The following RGL1 variants were observed in gnomAD, a reference collection of about 807,000 sequenced individuals.
The protein encoded by RGL1 is ral guanine nucleotide dissociation stimulator-like 1.
A neutral mutation model predicts 95.2 loss-of-function variants in RGL1; 24 were observed. The ratio of observed to expected loss-of-function variants is 0.25; its 90% CI spans 0.18 to 0.35. The LOEUF (loss-of-function observed/expected upper bound fraction) is 0.35, where lower values mean the gene tolerates loss of function less well. Ranked by LOEUF, RGL1 falls within the 10% of genes least tolerant of loss-of-function variation. The pLI is 1.00. For synonymous variants in RGL1, 329 were observed against 344.9 expected (o/e 0.95, Z 0.51); for missense variants, 715 against 936.3 (o/e 0.76, Z 3.08).
chr1:183,757,005 G>C (rs1324690349), intron 2 of RGL1, among the ~76,000 whole-genome samples: 2 of 138,460 alleles, frequency 1.4e-5, no homozygotes, highest in African/African-American at 5.5e-5. Context: ...ATAACACTTA[G>C]TTGGGTGGTT....
intron 1 of RGL1, among the ~76,000 whole-genome samples, chr1:183,688,736 T>A (rs1653768948): frequency 6.6e-6 from 1 of 152,128 alleles, no homozygotes; most frequent in Admixed American, 6.5e-5. Flanking sequence ...TTCCAGATAT[T>A]GGAAGGTATG....
intron 9 of RGL1, 79 bp from the exon 10 acceptor site, chr1:183,897,729 G>T: frequency 9.4e-7 from 1 of 1,062,082 alleles, no homozygotes; most frequent in South Asian, 1.3e-5. Context: ...GGTTGTGTGC[G>T]AGAAACTAGA....
At chr1:183,654,422 A>G (rs201326827) in intron 1 of RGL1, among the ~76,000 whole-genome samples, 1 of 152,324 alleles carries the variant, frequency 6.6e-6, no homozygotes, top group East Asian at 1.9e-4. Context: ...CTCATCTTTT[A>G]TTTAATCCTA....
At position 183,847,588 on chromosome 1, in the gene RGL1, C is replaced by G. The variant is rs574823758; in HGVS notation, c.161C>G (p.Pro54Arg). The G allele has an allele frequency of 1.2e-6, 2 of 1,614,100 alleles. No individual in the cohort carries two copies. The highest frequency in any genetic ancestry group is 1.1e-5 in the South Asian group (1 of 91,070). ...CAGGTTGAAGGGGACCAGCTGCCTC[C>G]AGGACACACAGTCAGTCAATATGAA... is the stretch of plus-strand genomic sequence containing the variant. ...WLGVEGDQLP[P>R]GHTVSQYETC... Residue 54 changes from proline (P) to arginine (R), a missense_variant, in exon 3 of 18, where the codon CCA (proline) becomes CGA (arginine). Physicochemically the swap from Pro to Arg is moderately radical, Grantham distance 103 (BLOSUM62 -2). Around this residue, in one of 3 missense-constraint regions of RGL1, gnomAD observed 381 missense variants for 484.8 expected, o/e 0.79. Transcript: ENST00000360851.
intron 1 of RGL1, among the ~76,000 whole-genome samples, chr1:183,711,188 G>A (rs1047400609): frequency 1.3e-4 from 20 of 152,262 alleles, no homozygotes; most frequent in African/African-American, 4.1e-4. Flanking sequence ...AACTCACATC[G>A]TTATGCAAAG....
intron 2 of RGL1, among the ~76,000 whole-genome samples, chr1:183,798,083 A>C (rs1168809261): frequency 6.6e-6 from 1 of 152,216 alleles, no homozygotes; most frequent in Non-Finnish European, 1.5e-5. Context: ...TAGTCTGCTT[A>C]GGTAGTGGTT....
chr1:183,660,262 C>A (rs1466007199), intron 1 of RGL1, among the ~76,000 whole-genome samples: 1 of 152,042 alleles, frequency 6.6e-6, no homozygotes, highest in Non-Finnish European at 1.5e-5. Context: ...CACAGACTGG[C>A]AAATTGGATA....
At chr1:183,745,995 C>A (rs1374184086) in intron 2 of RGL1, among the ~76,000 whole-genome samples, 1 of 150,902 alleles carries the variant, frequency 6.6e-6, no homozygotes, top group Non-Finnish European at 1.5e-5. Context: ...ATTTTGATAA[C>A]TAAGGCTAAA....
chr1:183,843,331 A>G (rs1158434733), intron 2 of RGL1, among the ~76,000 whole-genome samples: 1 of 152,258 alleles, frequency 6.6e-6, no homozygotes, highest in African/African-American at 2.4e-5. Flanking sequence ...TAATGCACAG[A>G]TGCAAACCCT....
intron 13 of RGL1, among the ~76,000 whole-genome samples, chr1:183,906,274 C>G (rs1368326256): frequency 6.6e-6 from 1 of 152,198 alleles, no homozygotes; most frequent in Non-Finnish European, 1.5e-5. Flanking sequence ...CATCTACTGT[C>G]TACAGCTACA....
intron 9 of RGL1, 124 bp downstream of exon 9, chr1:183,892,285 G>C: frequency 1.5e-6 from 1 of 676,938 alleles, no homozygotes; most frequent in Non-Finnish European, 2.4e-6. Context: ...TAACTAGAAG[G>C]CAAAAAATTT....
intron 14 of RGL1, among the ~76,000 whole-genome samples, chr1:183,911,740 A>C (rs887099167): frequency 6.6e-6 from 1 of 152,148 alleles, no homozygotes; most frequent in African/African-American, 2.4e-5. Flanking sequence ...TTTGCCTGTG[A>C]AGATCATTTT....
chr1:183,905,398 A>C (rs1162732486), intron 13 of RGL1, among the ~76,000 whole-genome samples: 1 of 147,498 alleles, frequency 6.8e-6, no homozygotes, highest in African/African-American at 2.4e-5. Context: ...GGGTTGAGAG[A>C]CTCATGAAAC....
At chr1:183,753,554 A>G (rs1167361930) in intron 2 of RGL1, among the ~76,000 whole-genome samples, 1 of 152,192 alleles carries the variant, frequency 6.6e-6, no homozygotes, top group Admixed American at 6.5e-5. Flanking sequence ...CTATGTTCCA[A>G]TTCCTAGAAA....
intron 2 of RGL1, among the ~76,000 whole-genome samples, chr1:183,759,962 T>C (rs1183686336): frequency 6.6e-6 from 1 of 152,220 alleles, no homozygotes; most frequent in Non-Finnish European, 1.5e-5. Context: ...TGCATATCTA[T>C]CTTATAAGAC....
intron 2 of RGL1, among the ~76,000 whole-genome samples, chr1:183,771,329 C>T (rs1373752284): frequency 6.6e-6 from 1 of 151,622 alleles, no homozygotes; most frequent in Non-Finnish European, 1.5e-5. Context: ...AAAAAAATGA[C>T]CAGTTTTTTC....
chr1:183,890,383 T>G (rs1230342839), intron 8 of RGL1, among the ~76,000 whole-genome samples: 18 of 152,196 alleles, frequency 1.2e-4, no homozygotes, highest in Admixed American at 1.2e-3. Flanking sequence ...TCTAGCTGGC[T>G]TTTAAAACTA....
chr1:183,897,331 C>G (rs1238982407), intron 9 of RGL1, among the ~76,000 whole-genome samples: 1 of 152,060 alleles, frequency 6.6e-6, no homozygotes, highest in Non-Finnish European at 1.5e-5. Flanking sequence ...ATCAGGAGTT[C>G]AAGACCAGCC....
chr1:183,861,782 G>A (rs1665524081), intron 3 of RGL1, among the ~76,000 whole-genome samples: 1 of 152,194 alleles, frequency 6.6e-6, no homozygotes, highest in African/African-American at 2.4e-5. Context: ...TCGTTGACAG[G>A]TTTGTTGGTA....
Sources: gnomAD v4.1 joint callset for allele counts (sites outside exome capture counted in the v4.1 genomes callset) on GRCh38, gnomAD v4.1.1 for gene constraint, gnomAD v4.1.1 regional missense constraint, MANE v1.5 for transcripts, NCBI Gene and HGNC (gene_info 2026-07-23, HGNC 2026-07-21) for gene names.